AOPEP: variants seen among roughly 807,000 people sequenced by gnomAD.
AOPEP encodes aminopeptidase O.
In AOPEP, 77 loss-of-function variants were observed where a neutral mutation model predicts 98.1. That is an observed-to-expected ratio of 0.78 (90% CI 0.65 to 0.95). The LOEUF (loss-of-function observed/expected upper bound fraction) is 0.95, where lower values mean the gene tolerates loss of function less well. Among genes scored for constraint, AOPEP ranks in the 40% least tolerant of loss-of-function variants. The pLI is 0.00. For synonymous variants in AOPEP, 346 were observed against 365.3 expected, an observed-to-expected ratio of 0.95 and a Z score of 0.60; for missense variants, 1,024 against 1,024.7, an observed-to-expected ratio of 1.00 and a Z score of 0.01.
chr9:94,888,415 C>T (rs2048486443), intron 5 of AOPEP, among the ~76,000 whole-genome samples: 3 of 151,888 alleles, frequency 2.0e-5, no homozygotes, highest in Admixed American at 2.0e-4. Context: ...ATCAGTCAGC[C>T]TTCCATAGTG....
At chr9:94,956,158 C>T (rs2058439528) in intron 9 of AOPEP, 143 bp downstream of exon 9, 2 of 571,586 alleles carry the variant, frequency 3.5e-6, no homozygotes, top group South Asian at 2.6e-5. Flanking sequence ...ATGAAATGGA[C>T]ACAAAGAAAG....
In AOPEP at chr9:95,086,854, A is replaced by C. The variant is rs1306879594; in HGVS notation, c.*177A>C. On this transcript the variant is annotated 3_prime_UTR_variant, in exon 17 of 17. Transcript: ENST00000375315. Reference sequence around the variant, plus strand: ...AGAGGCTGGTCCCAGCCAGGCACACACAAAAGGCAGATTCTCGTAAACGCA... The same window carrying C: ...AGAGGCTGGTCCCAGCCAGGCACACCCAAAAGGCAGATTCTCGTAAACGCA... 1.0e-6 allele frequency: 1 copy of C among 987,800 alleles called. No individual in the cohort carries two copies. The highest frequency in any genetic ancestry group is 1.2e-6 in the Non-Finnish European group (1 of 830,096). 61.2% of individuals were successfully genotyped at this position (987,800 alleles called of 1,614,324 possible).
chr9:94,933,130 A>G (rs1474552868), intron 7 of AOPEP: 1 of 985,690 alleles, frequency 1.0e-6, no homozygotes, highest in Non-Finnish European at 1.2e-6. Context: ...CTGTCCTGCC[A>G]CTGTTCAGCT....
intron 2 of AOPEP, among the ~76,000 whole-genome samples, chr9:94,763,663 C>G (rs563117687): frequency 6.6e-6 from 1 of 152,256 alleles, no homozygotes; most frequent in African/African-American, 2.4e-5. Flanking sequence ...CAAGATGAGT[C>G]TGGAGCATCT....
At chr9:94,988,945 G>C (rs1387291821) in intron 11 of AOPEP, among the ~76,000 whole-genome samples, 1 of 142,328 alleles carries the variant, frequency 7.0e-6, no homozygotes, top group East Asian at 2.0e-4. Context: ...GTCTCGGTCT[G>C]TCGCCCAGGC....
chr9:94,943,948 C>T (rs1178389265), intron 7 of AOPEP, among the ~76,000 whole-genome samples: 1 of 92,492 alleles, frequency 1.1e-5, no homozygotes, highest in African/African-American at 3.8e-5. Context: ...AAAAAAAAAA[C>T]AGGTCAATCT....
At chr9:94,871,877 T>C (rs1184623012) in intron 5 of AOPEP, among the ~76,000 whole-genome samples, 3 of 152,084 alleles carry the variant, frequency 2.0e-5, no homozygotes, top group Non-Finnish European at 4.4e-5. Context: ...CATGTTTGTG[T>C]GTGCTTGTAG....
At chr9:94,731,286 G>A (rs1830465655) in intron 1 of AOPEP, among the ~76,000 whole-genome samples, 2 of 151,226 alleles carry the variant, frequency 1.3e-5, no homozygotes, top group East Asian at 3.9e-4. Flanking sequence ...GGAGTGCAGT[G>A]GCGCGATCTC....
chr9:95,062,440 C>A (rs938072916), intron 14 of AOPEP, among the ~76,000 whole-genome samples: 3 of 152,192 alleles, frequency 2.0e-5, no homozygotes, highest in Non-Finnish European at 4.4e-5. Flanking sequence ...CTCCTCATGG[C>A]AAAGTGCACT....
intron 5 of AOPEP, among the ~76,000 whole-genome samples, chr9:94,883,210 T>A (rs2135895730): frequency 6.6e-6 from 1 of 152,306 alleles, no homozygotes; most frequent in Non-Finnish European, 1.5e-5. Flanking sequence ...ACTGGAATTG[T>A]ACTTCACTCT....
chr9:94,961,521 C>CCCTT (rs1325433711), intron 9 of AOPEP, among the ~76,000 whole-genome samples: 1 of 152,066 alleles, frequency 6.6e-6, no homozygotes, highest in African/African-American at 2.4e-5. Flanking sequence ...CCGAAGCAAC[C>CCCTT]CCTTTATTGT....
At chr9:94,849,485 C>A (rs796828932) in intron 5 of AOPEP, among the ~76,000 whole-genome samples, 9 of 129,848 alleles carry the variant, frequency 6.9e-5, no homozygotes, top group African/African-American at 2.0e-4. Flanking sequence ...GGTAACATTT[C>A]TTTTTTTTCT....
At chr9:95,147,028 T>C in the AOPEP span, among the ~76,000 whole-genome samples, 2 of 150,472 alleles carry the variant, frequency 1.3e-5, no homozygotes, top group African/African-American at 2.4e-5. Flanking sequence ...TATATATTTG[T>C]ATGTATATAT....
At chr9:95,107,739 AAC>A in the AOPEP span, among the ~76,000 whole-genome samples, 14 of 151,778 alleles carry the variant, frequency 9.2e-5, no homozygotes, top group South Asian at 4.2e-4. Flanking sequence ...GGTCGGGGGG[AAC>A]ACACACACAT....
the AOPEP span, among the ~76,000 whole-genome samples, chr9:95,125,491 C>T: frequency 6.6e-6 from 1 of 152,156 alleles, no homozygotes; most frequent in Admixed American, 6.5e-5. Flanking sequence ...TGCCTGGACA[C>T]GCAACATCAA....
rs559717733 is a variant in AOPEP at position 94,889,932 on chromosome 9, T to C, written c.1365-34054T>C. On this transcript the variant is annotated intron_variant, in intron 5 of 16. Transcript: ENST00000375315. Reference sequence around the variant, plus strand: ...TTCACATTTCTATAATGGCTAATTATGTTGAATATTTTTATGTGCTTAAGT... The same window carrying C: ...TTCACATTTCTATAATGGCTAATTACGTTGAATATTTTTATGTGCTTAAGT... Among the ~76,000 whole-genome samples, 11 of 152,336 alleles carry C rather than the reference T, an allele frequency of 7.2e-5. No homozygotes were observed. In the South Asian group the frequency reaches 2.3e-3, roughly 32 times the overall value.
intron 3 of AOPEP, among the ~76,000 whole-genome samples, chr9:94,774,245 GAGCTTGC>G (rs1438634605): frequency 6.8e-6 from 1 of 148,090 alleles, no homozygotes; most frequent in Non-Finnish European, 1.5e-5. Context: ...CTGGGAGATG[GAGCTTGC>G]AGTGAGCTGA....
chr9:95,082,868 C>T lies in AOPEP; in HGVS notation c.*4+149C>T, dbSNP rs1037970498. The T allele has an allele frequency of 5.8e-6, 5 of 864,264 alleles. No homozygotes were observed. The African/African-American group carries it at 8.5e-5, about 15-fold the overall frequency. 53.5% of individuals were successfully genotyped at this position (864,264 alleles called of 1,614,324 possible). A position where few individuals can be genotyped will look rare whatever the true frequency, so the allele number is the denominator to read the frequency against. On this transcript the variant is annotated intron_variant, in intron 16 of 16. Coordinates refer to ENST00000375315, the MANE Select transcript of AOPEP (RefSeq NM_001193329.3). Reference sequence around the variant, plus strand: ...GCCCAGGGCCTGGAGAGTAACTGGCCAAGTGGGTGCTGGGCTGGTATGGGA... The same window carrying T: ...GCCCAGGGCCTGGAGAGTAACTGGCTAAGTGGGTGCTGGGCTGGTATGGGA...
chr9:95,116,128 G>A, the AOPEP span, among the ~76,000 whole-genome samples: 1 of 152,250 alleles, frequency 6.6e-6, no homozygotes, highest in Non-Finnish European at 1.5e-5. Flanking sequence ...CCATGCCCAT[G>A]CACCACCTCA....
Sources: allele counts gnomAD v4.1 joint callset (sites outside exome capture counted in the v4.1 genomes callset), GRCh38; gene constraint gnomAD v4.1.1; transcripts MANE v1.5; gene names NCBI Gene and HGNC (gene_info 2026-07-23, HGNC 2026-07-21).